The following GULP1 variants were observed in gnomAD, a reference collection of about 807,000 sequenced individuals.
The protein encoded by GULP1 is PTB domain-containing engulfment adapter protein 1.
Under a neutral mutation model 40.9 loss-of-function variants are expected in GULP1, and 19 were observed. That is an observed-to-expected ratio of 0.46 (90% CI 0.32 to 0.68). GULP1 has a LOEUF of 0.68. GULP1 is among the 30% of genes least tolerant of loss of function. The probability of loss-of-function intolerance (pLI) is 0.03; values close to 1 mark genes in which losing one functional copy is unlikely to be tolerated. For synonymous variants in GULP1, 119 were observed against 117.6 expected (o/e 1.01, Z -0.08); for missense variants, 312 against 362.2 (o/e 0.86, Z 1.12).
At chr2:188,494,576 C>T (rs1463988226) in intron 4 of GULP1, among the ~76,000 whole-genome samples, 4 of 152,010 alleles carry the variant, frequency 2.6e-5, no homozygotes, top group Admixed American at 6.6e-5. Flanking sequence ...CACACAGACC[C>T]GTACAGTAGT....
chr2:188,441,221 G>A (rs777737958), intron 2 of GULP1, among the ~76,000 whole-genome samples: 54 of 152,104 alleles, frequency 3.6e-4, no homozygotes, highest in Non-Finnish European at 6.2e-4. Flanking sequence ...TCTGCTTAGA[G>A]GAAACCACAA....
rs186558710 is a variant in GULP1, at chr2:188,303,563, C to A, written c.-172+11397C>A. 2.6e-4 allele frequency among the ~76,000 whole-genome samples: 39 copies of A among 152,232 alleles called. 1 individual carries two copies. In the East Asian group the frequency reaches 4.8e-3, roughly 19 times the overall value. On this transcript the variant is annotated intron_variant, in intron 1 of 11. Transcript: ENST00000409830. The stretch of plus-strand genomic sequence containing the variant: ...GAAAGTCTGCAGTAAAGCTGTGTGG[C>A]AACCAGGTCATTGGTCAAGACTGAG...
rs1559419273 is a variant in GULP1, at chr2:188,595,182, ACCTTTAC to A, written c.*1180_*1186del. On this transcript the variant is annotated 3_prime_UTR_variant, in exon 12 of 12. Transcript: ENST00000409830. ...ACTTTTAAAAATATTTGTTTCCTAT[ACCTTTAC>A]CCTTTACCTAACAGACTAATTTGTA... 6.6e-6 allele frequency: 1 copy of A among 151,616 alleles called. No homozygotes were observed. Among genetic ancestry groups the A allele is most frequent in the Non-Finnish European group, 1.5e-5 (1 of 67,712 alleles). The allele number at this position is 151,616 out of a possible 1,614,324, so 9.4% of individuals were successfully genotyped here.
chr2:188,381,334 T>C (rs1188912079), intron 1 of GULP1, among the ~76,000 whole-genome samples: 2 of 152,122 alleles, frequency 1.3e-5, no homozygotes, highest in African/African-American at 4.8e-5. Flanking sequence ...ATATTCTAGT[T>C]TGAAAAGTAT....
At chr2:188,393,730 T>C (rs1006435515) in intron 2 of GULP1, among the ~76,000 whole-genome samples, 9 of 152,194 alleles carry the variant, frequency 5.9e-5, no homozygotes, top group African/African-American at 1.9e-4. Context: ...TTTTAAGATT[T>C]AGAAACCCTT....
At chr2:188,400,796 A>G (rs538583354) in intron 2 of GULP1, among the ~76,000 whole-genome samples, 5 of 152,228 alleles carry the variant, frequency 3.3e-5, no homozygotes, top group Non-Finnish European at 7.4e-5. Context: ...CAAAAGTGGA[A>G]TGGGCTTTGT....
intron 10 of GULP1, among the ~76,000 whole-genome samples, chr2:188,586,779 A>C (rs1702464423): frequency 6.6e-6 from 1 of 152,130 alleles, no homozygotes; most frequent in African/African-American, 2.4e-5. Context: ...AAAACATGAA[A>C]ACTGGAAAAG....
intron 1 of GULP1, among the ~76,000 whole-genome samples, chr2:188,327,625 A>T (rs1283689310): frequency 6.6e-6 from 1 of 152,112 alleles, no homozygotes; most frequent in Non-Finnish European, 1.5e-5. Context: ...AATTAAGATG[A>T]TTTAAACATA....
intron 2 of GULP1, among the ~76,000 whole-genome samples, chr2:188,446,878 C>G (rs1055114082): frequency 1.3e-5 from 2 of 152,010 alleles, no homozygotes; most frequent in African/African-American, 2.4e-5. Flanking sequence ...GAAGTGTCAA[C>G]AAAAAGAGTC....
rs367964493 is a variant in GULP1, at chr2:188,338,126, C to T, written c.-171-45637C>T. On this transcript the variant is annotated intron_variant, in intron 1 of 11. Coordinates refer to ENST00000409830, the MANE Select transcript of GULP1 (RefSeq NM_016315.4). ...GGTTCTTGTACAAAGATACTACCTTCCCTCTAGATTTAAGATCTTACTAGG... is the reference window on the plus strand; with the variant it reads ...GGTTCTTGTACAAAGATACTACCTTTCCTCTAGATTTAAGATCTTACTAGG... Among the ~76,000 whole-genome samples, 23 of 152,132 alleles carry T rather than the reference C, an allele frequency of 1.5e-4. 1 individual carries two copies. Among genetic ancestry groups the T allele is most frequent in the African/African-American group, 5.5e-4 (23 of 41,490 alleles).
At chr2:188,299,379 C>T (rs557400598) in intron 1 of GULP1, among the ~76,000 whole-genome samples, 5 of 152,184 alleles carry the variant, frequency 3.3e-5, no homozygotes, top group Non-Finnish European at 5.9e-5. Flanking sequence ...AATATACTAA[C>T]ATATTGGTTC....
intron 4 of GULP1, among the ~76,000 whole-genome samples, chr2:188,505,241 ATG>A (rs889185665): frequency 6.6e-6 from 1 of 151,754 alleles, no homozygotes; most frequent in Non-Finnish European, 1.5e-5. Flanking sequence ...CTGAAGTGGT[ATG>A]TGTTTTCCTT....
At chr2:188,402,336 C>G (rs1282514780) in intron 2 of GULP1, among the ~76,000 whole-genome samples, 3 of 152,000 alleles carry the variant, frequency 2.0e-5, no homozygotes, top group Non-Finnish European at 1.5e-5. Flanking sequence ...TATTTACTAA[C>G]CTTGACCTGG....
chr2:188,377,301 G>A (rs1033159647), intron 1 of GULP1, among the ~76,000 whole-genome samples: 1 of 152,182 alleles, frequency 6.6e-6, no homozygotes, highest in African/African-American at 2.4e-5. Flanking sequence ...AATAATTACT[G>A]TATATTGCTG....
intron 1 of GULP1, among the ~76,000 whole-genome samples, chr2:188,357,882 AAAAT>A (rs1175862002): frequency 6.6e-6 from 1 of 152,208 alleles, no homozygotes; most frequent in Non-Finnish European, 1.5e-5. Context: ...CAGCCATTAA[AAAAT>A]AATGAAATCC....
chr2:188,368,939 GTATATATATATATATATATATATA>G (rs56274020), intron 1 of GULP1, among the ~76,000 whole-genome samples: 2 of 86,088 alleles, frequency 2.3e-5, no homozygotes, highest in African/African-American at 4.1e-5. Flanking sequence ...ATATATGTGT[GTATATATATATATATATATATATA>G]TATATATATA....
intron 7 of GULP1, among the ~76,000 whole-genome samples, chr2:188,546,776 A>G (rs1692076341): frequency 6.6e-6 from 1 of 152,032 alleles, no homozygotes; most frequent in South Asian, 2.1e-4. Context: ...GATTCTTTAA[A>G]AGATTATAAA....
chr2:188,572,516 T>C (rs1174608937), intron 9 of GULP1, among the ~76,000 whole-genome samples: 1 of 152,206 alleles, frequency 6.6e-6, no homozygotes, highest in African/African-American at 2.4e-5. Flanking sequence ...GTAGAAAATT[T>C]ATTGTATCCT....
chr2:188,504,259 A>G (rs964094263), intron 4 of GULP1, among the ~76,000 whole-genome samples: 3 of 151,912 alleles, frequency 2.0e-5, no homozygotes, highest in Non-Finnish European at 2.9e-5. Context: ...CATGATTCAC[A>G]TATTTTCAAT....
Sources: gnomAD v4.1 joint callset for allele counts (sites outside exome capture counted in the v4.1 genomes callset) on GRCh38, gnomAD v4.1.1 for gene constraint, MANE v1.5 for transcripts, NCBI Gene and HGNC (gene_info 2026-07-23, HGNC 2026-07-21) for gene names.